COLEC12: variants seen among roughly 807,000 people sequenced by gnomAD.
The protein encoded by COLEC12 is collectin subfamily member 12, also known as collectin-12.
A neutral mutation model predicts 71.1 loss-of-function variants in COLEC12; 33 were observed. The ratio of observed to expected loss-of-function variants is 0.46; its 90% CI spans 0.35 to 0.62. The LOEUF is 0.62. Ranked by LOEUF, COLEC12 falls within the 20% of genes least tolerant of loss-of-function variation. COLEC12 has a pLI of 0.00. For missense variants in COLEC12, 765 were observed against 916.1 expected (o/e 0.84, Z 2.13); for synonymous variants, 350 against 353.0 (o/e 0.99, Z 0.10).
intron 2 of COLEC12, among the ~76,000 whole-genome samples, chr18:474,832 G>GGAGGCC: frequency 6.6e-6 from 1 of 152,210 alleles, no homozygotes; most frequent in South Asian, 2.1e-4. Context: ...CTGCAGTTTT[G>GGAGGCC]GAGGCCAAGG....
At chr18:378,554 G>A (rs1203503561) in intron 2 of COLEC12, among the ~76,000 whole-genome samples, 1 of 152,142 alleles carries the variant, frequency 6.6e-6, no homozygotes, top group African/African-American at 2.4e-5. Flanking sequence ...GAAGCAAACA[G>A]CACCCAATTC....
At chr18:359,018 TCTCTGTA>T (rs377375513) in intron 2 of COLEC12, among the ~76,000 whole-genome samples, 11,119 of 152,222 alleles carry the variant, frequency 0.073, 464 homozygotes, top group African/African-American at 0.11. Flanking sequence ...TCAATAAAAA[TCTCTGTA>T]TGACAAAATA....
At chr18:443,380 A>G (rs530207469) in intron 2 of COLEC12, among the ~76,000 whole-genome samples, 21 of 152,330 alleles carry the variant, frequency 1.4e-4, no homozygotes, top group Non-Finnish European at 2.1e-4. Flanking sequence ...AGGAAGCTCA[A>G]TTATCTTGTA....
chr18:371,629 T>A (rs1429605282), intron 2 of COLEC12, among the ~76,000 whole-genome samples: 1 of 152,094 alleles, frequency 6.6e-6, no homozygotes, highest in Non-Finnish European at 1.5e-5. Context: ...AATCTTCTGA[T>A]TATCTAGACA....
intron 2 of COLEC12, among the ~76,000 whole-genome samples, chr18:404,078 A>G (rs1013075629): frequency 1.3e-5 from 2 of 152,256 alleles, no homozygotes; most frequent in Admixed American, 1.3e-4. Context: ...TTCTGATGCC[A>G]TTATCTTCAC....
chr18:439,250 T>C (rs953847898), intron 2 of COLEC12, among the ~76,000 whole-genome samples: 1 of 152,312 alleles, frequency 6.6e-6, no homozygotes, highest in Admixed American at 6.5e-5. Flanking sequence ...GTGAACTCCT[T>C]AAAATAGTCT....
intron 5 of COLEC12, among the ~76,000 whole-genome samples, chr18:340,953 A>C (rs1156669145): frequency 1.3e-5 from 2 of 152,108 alleles, no homozygotes; most frequent in Non-Finnish European, 2.9e-5. Context: ...TCTGCTTCTG[A>C]GCCTGTTAAT....
At chr18:421,831 G>T (rs531931927) in intron 2 of COLEC12, among the ~76,000 whole-genome samples, 8 of 152,248 alleles carry the variant, frequency 5.3e-5, no homozygotes, top group African/African-American at 1.9e-4. Flanking sequence ...CTCCAACTTA[G>T]TTCCTCGATG....
chr18:476,212 T>G (rs368530300), intron 2 of COLEC12, among the ~76,000 whole-genome samples: 1 of 152,182 alleles, frequency 6.6e-6, no homozygotes, highest in East Asian at 1.9e-4. Flanking sequence ...CCCACTTAGT[T>G]TTTACCAAAA....
intron 2 of COLEC12, among the ~76,000 whole-genome samples, chr18:465,950 T>G (rs1765941165): frequency 6.6e-6 from 1 of 152,092 alleles, no homozygotes; most frequent in African/African-American, 2.4e-5. Flanking sequence ...GGCACAAACC[T>G]GTAGTCCCAG....
intron 1 of COLEC12, among the ~76,000 whole-genome samples, chr18:482,090 C>T (rs1480985497): frequency 1.3e-5 from 2 of 151,878 alleles, no homozygotes; most frequent in South Asian, 2.1e-4. Context: ...CACAAGTAGG[C>T]CCCAGTGGCT....
At chr18:438,561 C>T (rs974139132) in intron 2 of COLEC12, among the ~76,000 whole-genome samples, 3 of 151,984 alleles carry the variant, frequency 2.0e-5, no homozygotes, top group Non-Finnish European at 2.9e-5. Flanking sequence ...ACCTGCAATC[C>T]CAGTACTTTG....
At chr18:403,841 C>T (rs541470129) in intron 2 of COLEC12, among the ~76,000 whole-genome samples, 6 of 152,290 alleles carry the variant, frequency 3.9e-5, no homozygotes, top group South Asian at 2.1e-4. Flanking sequence ...GGCAAGTCAA[C>T]GTGGAAGAGG....
intron 2 of COLEC12, among the ~76,000 whole-genome samples, chr18:392,050 A>C (rs553732575): frequency 6.6e-6 from 1 of 152,380 alleles, no homozygotes; most frequent in South Asian, 2.1e-4. Flanking sequence ...TCTACTAGCC[A>C]GTGTATACCT....
intron 2 of COLEC12, among the ~76,000 whole-genome samples, chr18:441,045 G>T (rs1249048528): frequency 8.6e-5 from 13 of 150,430 alleles, no homozygotes; most frequent in Admixed American, 8.0e-4. Context: ...CCAGGAGATG[G>T]AGACCATCCT....
At chr18:336,629 G>A (rs1914124385) in intron 5 of COLEC12, among the ~76,000 whole-genome samples, 1 of 152,146 alleles carries the variant, frequency 6.6e-6, no homozygotes, top group Admixed American at 6.5e-5. Flanking sequence ...ATGAGGACAT[G>A]TAGGGCCAGA....
At chr18:483,080 CTTGT>C (rs890137271) in intron 1 of COLEC12, among the ~76,000 whole-genome samples, 1 of 152,248 alleles carries the variant, frequency 6.6e-6, no homozygotes, top group African/African-American at 2.4e-5. Flanking sequence ...GCTCAGAATA[CTTGT>C]TTGTTACAAT....
At chr18:495,587 C>T (rs543646937) in intron 1 of COLEC12, among the ~76,000 whole-genome samples, 7 of 152,336 alleles carry the variant, frequency 4.6e-5, no homozygotes, top group South Asian at 2.1e-4. Flanking sequence ...CAGTTTAGAG[C>T]GTCTCCTCCA....
chr18:438,391 C>T (rs899726), intron 2 of COLEC12, among the ~76,000 whole-genome samples: 20,790 of 152,134 alleles, frequency 0.14, 1,708 homozygotes, highest in East Asian at 0.37. Flanking sequence ...TAATATTTAT[C>T]AATTTTAAAC....
Sources: gnomAD v4.1 joint callset for allele counts (sites outside exome capture counted in the v4.1 genomes callset) on GRCh38, gnomAD v4.1.1 for gene constraint, MANE v1.5 for transcripts, NCBI Gene and HGNC (gene_info 2026-07-23, HGNC 2026-07-21) for gene names.